Variants in FAM161A observed in about 807,000 individuals in gnomAD.
The protein encoded by FAM161A is protein FAM161A.
Under a neutral mutation model 70.9 loss-of-function variants are expected in FAM161A, and 57 were observed. That is an observed-to-expected ratio of 0.80 (90% CI 0.65 to 1.00). The LOEUF is 1.00. Among genes scored for constraint, FAM161A ranks in the 50% least tolerant of loss-of-function variants. The pLI is 0.00. For synonymous variants in FAM161A, 299 were observed against 295.7 expected (o/e 1.01, Z -0.12); for missense variants, 880 against 836.0 (o/e 1.05, Z -0.65).
At chr2:61,822,690 A>C (rs1214722479), downstream of FAM161A, among the ~76,000 whole-genome samples, 1 of 152,100 alleles carries the variant, frequency 6.6e-6, no homozygotes, top group Non-Finnish European at 1.5e-5. Context: ...AGGTTCAAGC[A>C]ATTCTCCTGC....
chr2:61,811,911 C>A, the FAM161A span, among the ~76,000 whole-genome samples: 2 of 152,162 alleles, frequency 1.3e-5, no homozygotes, highest in Non-Finnish European at 2.9e-5. Context: ...TCCTAGAAGG[C>A]CCCATAGAAT....
chr2:61,810,453 CTTTTTTTTTTT>C, the FAM161A span, among the ~76,000 whole-genome samples: 3 of 95,616 alleles, frequency 3.1e-5, no homozygotes, highest in African/African-American at 4.3e-5. Context: ...CCAGCACTTC[CTTTTTTTTTTT>C]TTTTTTTTTT....
At chr2:61,852,072 C>A (rs780465879) in intron 1 of FAM161A, among the ~76,000 whole-genome samples, 1 of 152,162 alleles carries the variant, frequency 6.6e-6, no homozygotes. Flanking sequence ...CCAGCCTGTG[C>A]CCCCTGGCTA....
chr2:61,843,138 TTTTG>T (rs138005103), intron 1 of FAM161A, among the ~76,000 whole-genome samples: 57,256 of 151,662 alleles, frequency 0.38, 11,408 homozygotes, highest in East Asian at 0.7. Context: ...CTTTCAGTTT[TTTTG>T]TTTGTTTGTT....
the FAM161A span, among the ~76,000 whole-genome samples, chr2:61,814,630 G>A: frequency 3.3e-5 from 5 of 152,188 alleles, no homozygotes; most frequent in South Asian, 4.2e-4. Flanking sequence ...TGAGAGGATC[G>A]CTTGAGCCTA....
At chr2:61,847,941 T>A (rs1310726803) in intron 1 of FAM161A, among the ~76,000 whole-genome samples, 2 of 152,120 alleles carry the variant, frequency 1.3e-5, no homozygotes, top group Non-Finnish European at 2.9e-5. Flanking sequence ...AGAGGGCAGT[T>A]ACTCCCTCCC....
At chr2:61,821,593 A>G (rs1672203728), downstream of FAM161A, among the ~76,000 whole-genome samples, 2 of 151,790 alleles carry the variant, frequency 1.3e-5, no homozygotes, top group Admixed American at 1.3e-4. Context: ...TAGAATCTGA[A>G]TATCTTTTTT....
At chr2:61,813,565 A>C in the FAM161A span, among the ~76,000 whole-genome samples, 4 of 150,358 alleles carry the variant, frequency 2.7e-5, no homozygotes, top group Non-Finnish European at 5.9e-5. Flanking sequence ...AAAAAAAAAA[A>C]AAAAAGAGCC....
At chr2:61,801,263 T>C in the FAM161A span, among the ~76,000 whole-genome samples, 581 of 151,752 alleles carry the variant, frequency 3.8e-3, 2 homozygotes, top group African/African-American at 0.013. Flanking sequence ...TTTGGGAGGC[T>C]GAGGCGGGCG....
At chr2:61,820,231 C>T (rs1277571109), downstream of FAM161A, 1 of 604,260 alleles carries the variant, frequency 1.7e-6, no homozygotes. Context: ...AACAGCCAAG[C>T]AGCTGTGGCA....
At chr2:61,823,362 C>CATATATATAT (rs59631970), downstream of FAM161A, among the ~76,000 whole-genome samples, 56 of 120,042 alleles carry the variant, frequency 4.7e-4, no homozygotes, top group East Asian at 1.9e-3. Flanking sequence ...AATTTTCCAT[C>CATATATATAT]ATATATATAT....
At chr2:61,839,246 A>G (rs759523591) in intron 3 of FAM161A, among the ~76,000 whole-genome samples, 175 bp downstream of exon 3, 4 of 151,148 alleles carry the variant, frequency 2.6e-5, no homozygotes, top group Non-Finnish European at 5.9e-5. Flanking sequence ...AATGAAAAAT[A>G]TATTCATTTC....
chr2:61,825,845 G>C lies in FAM161A; in HGVS notation c.*610C>G. 1 of 450,074 alleles carries C rather than the reference G, an allele frequency of 2.2e-6. No homozygotes were observed. Among genetic ancestry groups the C allele is most frequent in the Non-Finnish European group, 4.4e-6 (1 of 224,844 alleles). The allele number at this position is 450,074 out of a possible 1,614,324, so 27.9% of individuals were successfully genotyped here. On this transcript the variant is annotated 3_prime_UTR_variant, in exon 7 of 7. Transcript: ENST00000404929. ...GTAGAGACGGGGTTTCATCGTGTTA[G>C]CCAGGATGGTCTCGATCTCCTGACC... is the stretch of plus-strand genomic sequence containing the variant.
At chr2:61,835,917 C>T (rs1672751063) in intron 5 of FAM161A, 93 bp downstream of exon 5, 2 of 839,526 alleles carry the variant, frequency 2.4e-6, no homozygotes, top group Non-Finnish European at 2.0e-6. Flanking sequence ...AGTTATATAA[C>T]ACATAAGAAA....
At chr2:61,826,995 T>C in intron 6 of FAM161A, 109 bp downstream of exon 6, 1 of 1,050,870 alleles carries the variant, frequency 9.5e-7, no homozygotes, top group South Asian at 1.4e-5. Context: ...GGGTAAAAGA[T>C]CTTTTTAAAA....
At chr2:61,823,646 A>G (rs747362133), downstream of FAM161A, among the ~76,000 whole-genome samples, 3 of 152,060 alleles carry the variant, frequency 2.0e-5, no homozygotes, top group Non-Finnish European at 4.4e-5. Context: ...GATTACAGGC[A>G]TGAGCCACCA....
At chr2:61,845,814 C>T (rs1056303730) in intron 1 of FAM161A, among the ~76,000 whole-genome samples, 15 of 128,814 alleles carry the variant, frequency 1.2e-4, no homozygotes, top group South Asian at 2.5e-4. Flanking sequence ...GAAGGCTGGG[C>T]GCGGTAGCTC....
At chr2:61,832,119 C>T (rs1311365593) in intron 5 of FAM161A, among the ~76,000 whole-genome samples, 1 of 151,880 alleles carries the variant, frequency 6.6e-6, no homozygotes, top group African/African-American at 2.4e-5. Flanking sequence ...GTAGCTTGTG[C>T]CTGTAGTCCT....
chr2:61,803,972 A>G, the FAM161A span, among the ~76,000 whole-genome samples: 1 of 152,226 alleles, frequency 6.6e-6, no homozygotes, highest in Admixed American at 6.5e-5. Context: ...AAGCAAAAGC[A>G]AGTTTATTAG....
Sources: gnomAD v4.1 joint callset for allele counts (sites outside exome capture counted in the v4.1 genomes callset) on GRCh38, gnomAD v4.1.1 for gene constraint, MANE v1.5 for transcripts, NCBI Gene and HGNC (gene_info 2026-07-23, HGNC 2026-07-21) for gene names.